The following EBF2 variants were observed in gnomAD, a reference collection of about 807,000 sequenced individuals.
EBF2 encodes the protein transcription factor COE2.
EBF2 carries 21 observed loss-of-function variants against 72.8 expected under a neutral mutation model. That is an observed-to-expected ratio of 0.29 (90% CI 0.20 to 0.42). EBF2 has a LOEUF of 0.42. EBF2 is among the 10% of genes least tolerant of loss of function. The probability of loss-of-function intolerance (pLI) is 1.00; values close to 1 mark genes in which losing one functional copy is unlikely to be tolerated. For synonymous variants in EBF2, 299 were observed against 274.2 expected (o/e 1.09, Z -0.89); for missense variants, 637 against 731.2 (o/e 0.87, Z 1.49).
At chr8:25,851,237 C>T (rs1170941754) in intron 14 of EBF2, among the ~76,000 whole-genome samples, 1 of 152,128 alleles carries the variant, frequency 6.6e-6, no homozygotes, top group Non-Finnish European at 1.5e-5. Flanking sequence ...GGGGTTTGGT[C>T]TGTAGGGTTA....
chr8:25,894,950 C>T lies in EBF2; in HGVS notation c.634-5081G>A, dbSNP rs116359515. Among the ~76,000 whole-genome samples, 346 of 152,328 alleles carry T rather than the reference C, an allele frequency of 2.3e-3. 2 individuals carry two copies. Among genetic ancestry groups the T allele is most frequent in the African/African-American group, 7.6e-3 (316 of 41,574 alleles). Reference sequence around the variant, plus strand: ...TCCATACAAAGGAACTTCTATGCCTCATCGTCTCCTGTCACCTAGACCTGA... The same window carrying T: ...TCCATACAAAGGAACTTCTATGCCTTATCGTCTCCTGTCACCTAGACCTGA... On this transcript the variant is annotated intron_variant, in intron 7 of 15. Transcript: ENST00000520164.
At chr8:25,886,332 A>C (rs1802689401) in intron 10 of EBF2, among the ~76,000 whole-genome samples, 1 of 152,204 alleles carries the variant, frequency 6.6e-6, no homozygotes, top group African/African-American at 2.4e-5. Flanking sequence ...ACAAATATTG[A>C]CTAATATATG....
At chr8:25,858,617 G>T in intron 13 of EBF2, 113 bp from the exon 14 acceptor site, 1 of 940,168 alleles carries the variant, frequency 1.1e-6, no homozygotes, top group Non-Finnish European at 1.6e-6. Context: ...CAGCTGCCCC[G>T]GGCAGTTGTA....
chr8:25,885,019 A>G (rs1204433070), intron 10 of EBF2, among the ~76,000 whole-genome samples: 2 of 151,816 alleles, frequency 1.3e-5, no homozygotes, highest in African/African-American at 2.4e-5. Context: ...TATACTCTTT[A>G]TTTTCTCTGT....
At chr8:26,026,047 C>A (rs752354295) in intron 6 of EBF2, among the ~76,000 whole-genome samples, 2 of 152,114 alleles carry the variant, frequency 1.3e-5, no homozygotes, top group African/African-American at 2.4e-5. Context: ...GGCATAGTGG[C>A]ACAACTGTAG....
chr8:25,897,267 T>C (rs1802876224), intron 7 of EBF2, among the ~76,000 whole-genome samples: 2 of 152,222 alleles, frequency 1.3e-5, no homozygotes, highest in South Asian at 4.1e-4. Context: ...TAAACTGATA[T>C]ACTTGATGAC....
intron 7 of EBF2, among the ~76,000 whole-genome samples, chr8:25,893,271 ATTTTTTTTTTTTTT>A (rs201829098): frequency 7.2e-5 from 8 of 111,442 alleles, no homozygotes; most frequent in Admixed American, 5.4e-4. Context: ...TAATTCTTCC[ATTTTTTTTTTTTTT>A]TTTTTTTTTT....
At chr8:25,911,529 C>T (rs1803130828) in intron 6 of EBF2, among the ~76,000 whole-genome samples, 2 of 152,198 alleles carry the variant, frequency 1.3e-5, no homozygotes, top group Non-Finnish European at 2.9e-5. Context: ...TCTACAGATC[C>T]ATTGGAAATG....
rs1563381448 is a variant in EBF2, at chr8:25,866,618, A to ATTGT, written c.1010-3822_1010-3821insACAA. Among the ~76,000 whole-genome samples the ATTGT allele has an allele frequency of 2.3e-4, 28 of 122,136 alleles. No homozygotes were observed. The Admixed American group carries it at 2.4e-3, about 11-fold the overall frequency. 80.1% of individuals were successfully genotyped at this position (122,136 alleles called of 152,430 possible). On this transcript the variant is annotated intron_variant, in intron 10 of 15. Coordinates refer to ENST00000520164, the MANE Select transcript of EBF2 (RefSeq NM_022659.4). ...TAATATAATATAATGTTTATATTAT[A>ATTGT]TTATATATATATATATATTTTTTTT...
rs34153696 is a variant in EBF2, at chr8:26,005,830, CAA to C, written c.551+27253_551+27254del. ...TGAGCAACAGAGCAAGACCAAGTCT[CAA>C]AAAAAAAAAAAAAAGATTTTAAAAT... is the stretch of plus-strand genomic sequence containing the variant. On this transcript the variant is annotated intron_variant, in intron 6 of 15. Transcript: ENST00000520164. Among the ~76,000 whole-genome samples, 851 of 118,518 alleles carry C rather than the reference CAA, an allele frequency of 7.2e-3. 8 individuals are homozygous for C. Among genetic ancestry groups the C allele is most frequent in the South Asian group, 9.7e-3 (34 of 3,502 alleles). 77.8% of individuals were successfully genotyped at this position (118,518 alleles called of 152,430 possible).
rs865815249 is a variant in EBF2, at chr8:26,044,184, C to A, written c.131+545G>T. Among the ~76,000 whole-genome samples, 87 of 152,352 alleles carry A rather than the reference C, an allele frequency of 5.7e-4. No homozygotes were observed. Among genetic ancestry groups the A allele is most frequent in the African/African-American group, 2.0e-3 (84 of 41,588 alleles). On this transcript the variant is annotated intron_variant, in intron 1 of 15. Transcript: ENST00000520164. The surrounding 1 kb of genome is among the most constrained non-coding windows in gnomAD (Gnocchi z 4.1). The stretch of plus-strand genomic sequence containing the variant: ...TGTCCCCCCTCCCAGAGCTCCCGGC[C>A]GCCTCGTCTTCCCGGGCAGCCGCTC...
chr8:26,007,187 T>A (rs1804896323), intron 6 of EBF2, among the ~76,000 whole-genome samples: 1 of 152,154 alleles, frequency 6.6e-6, no homozygotes, highest in African/African-American at 2.4e-5. Context: ...ATCATTTCCA[T>A]CCCTGATGTT....
At chr8:25,977,340 AC>A (rs1804285848) in intron 6 of EBF2, among the ~76,000 whole-genome samples, 1 of 152,122 alleles carries the variant, frequency 6.6e-6, no homozygotes, top group Non-Finnish European at 1.5e-5. Context: ...GCCCAGCTGA[AC>A]CCAATTCCTC....
intron 6 of EBF2, among the ~76,000 whole-genome samples, chr8:25,946,342 G>A (rs1021496919): frequency 7.9e-5 from 12 of 152,126 alleles, no homozygotes; most frequent in Admixed American, 2.0e-4. Flanking sequence ...TCTTCATAAC[G>A]GTATCTCTAA....
intron 6 of EBF2, among the ~76,000 whole-genome samples, chr8:26,022,355 A>T (rs1229797494): frequency 3.3e-5 from 5 of 152,324 alleles, no homozygotes; most frequent in Admixed American, 3.3e-4. Context: ...ATTAATTAGA[A>T]AAATGTCCTG....
At chr8:25,987,013 C>T (rs1471891708) in intron 6 of EBF2, among the ~76,000 whole-genome samples, 5 of 151,726 alleles carry the variant, frequency 3.3e-5, no homozygotes, top group African/African-American at 1.2e-4. Flanking sequence ...CTGAGCACAA[C>T]CCCAAAGCCA....
chr8:26,037,729 G>A (rs1407585347), intron 5 of EBF2, among the ~76,000 whole-genome samples: 3 of 152,104 alleles, frequency 2.0e-5, no homozygotes, highest in Admixed American at 6.6e-5. Context: ...GGCTGGCAGC[G>A]ACATAACAAC....
At chr8:25,979,627 T>G (rs568497016) in intron 6 of EBF2, among the ~76,000 whole-genome samples, 1 of 152,156 alleles carries the variant, frequency 6.6e-6, no homozygotes, top group East Asian at 1.9e-4. Context: ...CCAAACTAAT[T>G]CCAAAAGTCA....
intron 6 of EBF2, among the ~76,000 whole-genome samples, chr8:25,950,240 C>T (rs1413257339): frequency 2.0e-5 from 3 of 152,226 alleles, no homozygotes; most frequent in Admixed American, 6.5e-5. Context: ...CTTTTAAGCT[C>T]TTTCAGCAGG....
Sources: gnomAD v4.1 joint callset for allele counts (sites outside exome capture counted in the v4.1 genomes callset) on GRCh38, gnomAD v4.1.1 for gene constraint, Gnocchi (gnomAD v3.1) non-coding constraint, MANE v1.5 for transcripts, NCBI Gene and HGNC (gene_info 2026-07-23, HGNC 2026-07-21) for gene names.